The following PMEPA1 variants were observed in gnomAD, a reference collection of about 807,000 sequenced individuals.
The protein encoded by PMEPA1 is prostate transmembrane protein, androgen induced 1, also known as protein TMEPAI.
In PMEPA1, 11 loss-of-function variants were observed where a neutral mutation model predicts 23.0. That is an observed-to-expected ratio of 0.48 (90% CI 0.30 to 0.79). The LOEUF (loss-of-function observed/expected upper bound fraction) is 0.79, where lower values mean the gene tolerates loss of function less well. Among genes scored for constraint, PMEPA1 ranks in the 30% least tolerant of loss-of-function variants. The pLI, the probability that PMEPA1 is intolerant of heterozygous loss-of-function variation, is 0.06. For synonymous variants in PMEPA1, 204 were observed against 166.4 expected (o/e 1.23, Z -1.74); for missense variants, 377 against 390.9 (o/e 0.96, Z 0.30).
In PMEPA1 at chr20:57,651,971, C is replaced by T; in HGVS notation, c.*82G>A. On this transcript the variant is annotated 3_prime_UTR_variant, in exon 4 of 4. Transcript: ENST00000341744. ...CACGATGCGTTGCTGCGCCCCCCGCCTTCCTCTCACTCCTCTTCTAAGAAG... is the reference window on the plus strand; with the variant it reads ...CACGATGCGTTGCTGCGCCCCCCGCTTTCCTCTCACTCCTCTTCTAAGAAG... 3 of 1,242,784 alleles carry T rather than the reference C, an allele frequency of 2.4e-6. No homozygotes were observed. The South Asian group carries it at 5.1e-5, about 21-fold the overall frequency. The allele number at this position is 1,242,784 out of a possible 1,614,324, so 77.0% of individuals were successfully genotyped here.
chr20:57,683,454 G>C lies in PMEPA1; in HGVS notation c.110-23757C>G, dbSNP rs1568977595. 6.6e-6 allele frequency among the ~76,000 whole-genome samples: 1 copy of C among 152,070 alleles called. No individual in the cohort carries two copies. Among genetic ancestry groups the C allele is most frequent in the African/African-American group, 2.4e-5 (1 of 41,390 alleles). On this transcript the variant is annotated intron_variant, in intron 1 of 3. Transcript: ENST00000341744. The surrounding 1 kb of genome is among the most constrained non-coding windows in gnomAD (Gnocchi z 4.3). ...CCAATATTTAATAGCCCATCCTTCA[G>C]GAACATTCCTGCTTGGGAGCTTCCT...
chr20:57,661,677 C>T (rs544152960), intron 1 of PMEPA1, among the ~76,000 whole-genome samples: 1 of 152,302 alleles, frequency 6.6e-6, no homozygotes, highest in Non-Finnish European at 1.5e-5. Flanking sequence ...CGATGCCAGG[C>T]GCTCGGGCCA....
chr20:57,673,790 A>G (rs1268247745), intron 1 of PMEPA1, among the ~76,000 whole-genome samples: 1 of 152,228 alleles, frequency 6.6e-6, no homozygotes, highest in Non-Finnish European at 1.5e-5. Flanking sequence ...AGAGCAGTAC[A>G]GAGGCTCACG....
intron 2 of PMEPA1, 85 bp from the exon 3 acceptor site, chr20:57,653,171 CT>C: frequency 8.8e-7 from 1 of 1,137,918 alleles, no homozygotes. Context: ...ACTCTTAGGC[CT>C]TTACCCTGGA....
intron 1 of PMEPA1, among the ~76,000 whole-genome samples, chr20:57,694,211 T>C (rs2071917667): frequency 6.6e-6 from 1 of 152,206 alleles, no homozygotes; most frequent in Non-Finnish European, 1.5e-5. Context: ...CTGTAACTGC[T>C]GATTAAAGGC....
At chr20:57,670,728 A>G (rs1360010009) in intron 1 of PMEPA1, among the ~76,000 whole-genome samples, 1 of 152,180 alleles carries the variant, frequency 6.6e-6, no homozygotes, top group African/African-American at 2.4e-5. Flanking sequence ...TGAACGGCAC[A>G]TACCTGGCCT....
intron 1 of PMEPA1, among the ~76,000 whole-genome samples, chr20:57,695,430 C>G (rs557761199): frequency 8.5e-5 from 13 of 152,250 alleles, no homozygotes; most frequent in Admixed American, 6.5e-4. Flanking sequence ...CCCGCTGAAG[C>G]ACCTGGCATT....
At chr20:57,664,042 A>T (rs1165191382) in intron 1 of PMEPA1, among the ~76,000 whole-genome samples, 1 of 152,230 alleles carries the variant, frequency 6.6e-6, no homozygotes, top group African/African-American at 2.4e-5. Context: ...GGAGACGCTC[A>T]GCTTTAGGGG....
At chr20:57,665,093 A>G (rs2071474170) in intron 1 of PMEPA1, among the ~76,000 whole-genome samples, 1 of 152,236 alleles carries the variant, frequency 6.6e-6, no homozygotes, top group Non-Finnish European at 1.5e-5. Context: ...GTCATAGGCC[A>G]CAGGGGACAG....
At chr20:57,679,103 T>C (rs150467276) in intron 1 of PMEPA1, among the ~76,000 whole-genome samples, 3 of 152,330 alleles carry the variant, frequency 2.0e-5, no homozygotes, top group African/African-American at 7.2e-5. Flanking sequence ...AGGTTTGTGA[T>C]AATGAGCACC....
chr20:57,707,976 G>A (rs1337157587), intron 1 of PMEPA1, among the ~76,000 whole-genome samples: 1 of 152,244 alleles, frequency 6.6e-6, no homozygotes, highest in African/African-American at 2.4e-5. Flanking sequence ...CTGGCACCTC[G>A]CTAGTCTGGC....
chr20:57,697,780 G>A (rs1166048416), intron 1 of PMEPA1, among the ~76,000 whole-genome samples: 3 of 152,222 alleles, frequency 2.0e-5, no homozygotes, highest in African/African-American at 7.2e-5. Flanking sequence ...GGGCCATGTG[G>A]CAAACAACTC....
At position 57,683,556 on chromosome 20, in the gene PMEPA1, T is replaced by TGC. The variant is rs2071753091; in HGVS notation, c.110-23860_110-23859insGC. 2.7e-5 allele frequency among the ~76,000 whole-genome samples: 3 copies of TGC among 111,862 alleles called. No homozygotes were observed. The highest frequency in any genetic ancestry group is 9.6e-5 in the African/African-American group (3 of 31,288). 73.4% of individuals were successfully genotyped at this position (111,862 alleles called of 152,430 possible). ...GTGGTGGTGTTCTGGCCTGTGTGCG[T>TGC]GTGTGTGTGTGTGTGTGTGTGTGTG... On this transcript the variant is annotated intron_variant, in intron 1 of 3. Coordinates refer to ENST00000341744, the MANE Select transcript of PMEPA1 (RefSeq NM_020182.5). This position sits in a 1 kb window ranked among gnomAD's most constrained non-coding sequence, Gnocchi z 4.3.
chr20:57,673,941 C>A (rs1427619169), intron 1 of PMEPA1, among the ~76,000 whole-genome samples: 4 of 152,246 alleles, frequency 2.6e-5, no homozygotes, highest in Non-Finnish European at 5.9e-5. Flanking sequence ...ATGCAACCAA[C>A]ATGGGAGTTC....
upstream of PMEPA1, chr20:57,710,649 G>T (rs1161820422): frequency 5.5e-6 from 3 of 549,364 alleles, no homozygotes; most frequent in African/African-American, 3.9e-5. Flanking sequence ...TATTGTCGCC[G>T]CCCCAGCCGG....
At chr20:57,700,194 T>C (rs1319284256) in intron 1 of PMEPA1, 1 of 469,822 alleles carries the variant, frequency 2.1e-6, no homozygotes, top group Non-Finnish European at 4.4e-6. Flanking sequence ...AACCTGTCAA[T>C]GACAATAGAG....
At chr20:57,696,456 G>A (rs562573122) in intron 1 of PMEPA1, among the ~76,000 whole-genome samples, 6 of 152,146 alleles carry the variant, frequency 3.9e-5, no homozygotes, top group African/African-American at 7.2e-5. Context: ...CCTGCTCTGC[G>A]GTGTGCTGGG....
intron 1 of PMEPA1, among the ~76,000 whole-genome samples, chr20:57,675,615 A>T (rs938931034): frequency 5.3e-5 from 8 of 152,120 alleles, no homozygotes; most frequent in African/African-American, 1.9e-4. Context: ...GCTGCTGGCC[A>T]CACTGACAGT....
rs148774118 is a variant in PMEPA1, at chr20:57,656,127, C to CAA, written c.265-3042_265-3041insTT. 6.6e-6 allele frequency among the ~76,000 whole-genome samples: 1 copy of CAA among 151,650 alleles called. No homozygotes were observed. Among genetic ancestry groups the CAA allele is most frequent in the Non-Finnish European group, 1.5e-5 (1 of 67,892 alleles). On this transcript the variant is annotated intron_variant, in intron 2 of 3. Transcript: ENST00000341744. The surrounding 1 kb of genome is among the most constrained non-coding windows in gnomAD (Gnocchi z 4.7). ...GGCCTTCTATCAAACTTCGAGGACT[C>CAA]AGAGATGTTTCTAAAGAATAAAGAG...
Sources: gnomAD v4.1 joint callset for allele counts (sites outside exome capture counted in the v4.1 genomes callset) on GRCh38, gnomAD v4.1.1 for gene constraint, Gnocchi (gnomAD v3.1) non-coding constraint, MANE v1.5 for transcripts, NCBI Gene and HGNC (gene_info 2026-07-23, HGNC 2026-07-21) for gene names.